The following RBFOX1 variants were observed in gnomAD, a reference collection of about 807,000 sequenced individuals.
The protein encoded by RBFOX1 is RNA binding fox-1 homolog 1, also known as RNA binding protein fox-1 homolog 1.
A neutral mutation model predicts 57.7 loss-of-function variants in RBFOX1; 8 were observed. The ratio of observed to expected loss-of-function variants is 0.14; its 90% CI spans 0.08 to 0.25. The LOEUF (loss-of-function observed/expected upper bound fraction) is 0.25, where lower values mean the gene tolerates loss of function less well. RBFOX1 is among the 10% of genes least tolerant of loss of function. RBFOX1 has a pLI of 1.00. For synonymous variants in RBFOX1, 326 were observed against 222.4 expected, an observed-to-expected ratio of 1.47 and a Z score of -4.15; for missense variants, 611 against 548.5, an observed-to-expected ratio of 1.11 and a Z score of -1.14.
At chr16:7,626,254 T>A (rs923570701) in intron 10 of RBFOX1, among the ~76,000 whole-genome samples, 10 of 152,228 alleles carry the variant, frequency 6.6e-5, no homozygotes, top group African/African-American at 2.4e-4. Flanking sequence ...CTGTCTGTGA[T>A]GGGAAACATC....
At chr16:6,860,772 A>G (rs2058847690) in intron 3 of RBFOX1, among the ~76,000 whole-genome samples, 1 of 152,230 alleles carries the variant, frequency 6.6e-6, no homozygotes, top group African/African-American at 2.4e-5. Context: ...ATGTTGAACA[A>G]CAACAAAAAG....
chr16:6,759,326 T>C (rs1348081992), intron 3 of RBFOX1, among the ~76,000 whole-genome samples: 1 of 152,080 alleles, frequency 6.6e-6, no homozygotes, highest in Non-Finnish European at 1.5e-5. Flanking sequence ...AATTTTTGTA[T>C]TTTTAGTAGA....
At chr16:6,650,507 G>T (rs952882877) in intron 2 of RBFOX1, among the ~76,000 whole-genome samples, 1 of 152,104 alleles carries the variant, frequency 6.6e-6, no homozygotes. Context: ...CAATTATCAT[G>T]CCACAGAGTA....
intron 3 of RBFOX1, among the ~76,000 whole-genome samples, chr16:6,990,793 G>C (rs1218731159): frequency 2.0e-5 from 3 of 152,108 alleles, no homozygotes; most frequent in Non-Finnish European, 4.4e-5. Flanking sequence ...CAAACTGCTT[G>C]TTAAGGTCCA....
At chr16:7,605,979 T>G (rs1236710430) in intron 9 of RBFOX1, among the ~76,000 whole-genome samples, 1 of 151,932 alleles carries the variant, frequency 6.6e-6, no homozygotes, top group Non-Finnish European at 1.5e-5. Context: ...GTTACTACTT[T>G]GTATTTTTAG....
chr16:6,970,390 C>G (rs1210612351), intron 3 of RBFOX1, among the ~76,000 whole-genome samples: 2 of 152,152 alleles, frequency 1.3e-5, no homozygotes, highest in African/African-American at 2.4e-5. Flanking sequence ...GTGCAGTTCC[C>G]TTAATGTTTC....
At chr16:7,059,744 C>T (rs530436360) in intron 4 of RBFOX1, among the ~76,000 whole-genome samples, 1 of 152,268 alleles carries the variant, frequency 6.6e-6, no homozygotes, top group East Asian at 1.9e-4. Context: ...TACAAATTTA[C>T]CTTTCTCTTC....
At chr16:6,237,520 G>C (rs1276933724) in intron 1 of RBFOX1, among the ~76,000 whole-genome samples, 1 of 152,074 alleles carries the variant, frequency 6.6e-6, no homozygotes, top group African/African-American at 2.4e-5. Flanking sequence ...AACACAGGTG[G>C]ATTACGAGGT....
At chr16:7,695,588 G>A (rs2078541948) in intron 14 of RBFOX1, among the ~76,000 whole-genome samples, 1 of 147,980 alleles carries the variant, frequency 6.8e-6, no homozygotes, top group Non-Finnish European at 1.5e-5. Flanking sequence ...GGAGGCGGAG[G>A]TTGCAGTGAG....
chr16:7,381,856 G>A (rs560089393), intron 4 of RBFOX1, among the ~76,000 whole-genome samples: 1 of 152,180 alleles, frequency 6.6e-6, no homozygotes, highest in African/African-American at 2.4e-5. Flanking sequence ...TGCTTTGTTG[G>A]GCATTTGGTG....
At chr16:6,209,374 G>C (rs1217511094) in intron 1 of RBFOX1, among the ~76,000 whole-genome samples, 1 of 143,292 alleles carries the variant, frequency 7.0e-6, no homozygotes, top group Non-Finnish European at 1.5e-5. Flanking sequence ...CCCACCTTCA[G>C]AGAAACTTAA....
chr16:7,087,022 G>T (rs2060097430), intron 4 of RBFOX1, among the ~76,000 whole-genome samples: 1 of 152,166 alleles, frequency 6.6e-6, no homozygotes, highest in Non-Finnish European at 1.5e-5. Context: ...CAGCCTCTGA[G>T]CCCGCAATGA....
At chr16:6,323,897 C>A (rs1046767254) in intron 2 of RBFOX1, among the ~76,000 whole-genome samples, 1 of 152,050 alleles carries the variant, frequency 6.6e-6, no homozygotes, top group Non-Finnish European at 1.5e-5. Flanking sequence ...CTCAGCCTCT[C>A]AAGTAGCTGG....
chr16:7,348,338 G>T (rs2097058733), intron 4 of RBFOX1, among the ~76,000 whole-genome samples: 1 of 151,970 alleles, frequency 6.6e-6, no homozygotes. Flanking sequence ...ACAAAGATTT[G>T]TAAAACTTGC....
intron 4 of RBFOX1, among the ~76,000 whole-genome samples, chr16:5,987,232 T>G (rs957525680): frequency 1.3e-5 from 2 of 152,210 alleles, no homozygotes; most frequent in Admixed American, 6.5e-5. Flanking sequence ...GTTTTTTTCT[T>G]TGTTTATTAC....
intron 5 of RBFOX1, among the ~76,000 whole-genome samples, chr16:7,536,770 A>G (rs1567717426): frequency 6.6e-6 from 1 of 152,180 alleles, no homozygotes; most frequent in Admixed American, 6.5e-5. Context: ...CAGGGATGCC[A>G]TGGTAGTAGC....
At chr16:6,003,029 C>G (rs1266335961) in intron 4 of RBFOX1, among the ~76,000 whole-genome samples, 2 of 152,108 alleles carry the variant, frequency 1.3e-5, no homozygotes, top group African/African-American at 4.8e-5. Context: ...CCTGTAATCC[C>G]AACACTTTGG....
chr16:5,922,951 C>T (rs2058856193), intron 4 of RBFOX1, among the ~76,000 whole-genome samples: 1 of 152,204 alleles, frequency 6.6e-6, no homozygotes, highest in Non-Finnish European at 1.5e-5. Flanking sequence ...TGGGCTCTTC[C>T]TTTCTTCCCA....
chr16:5,423,449 C>T (rs2067416281), intron 1 of RBFOX1, among the ~76,000 whole-genome samples: 1 of 152,126 alleles, frequency 6.6e-6, no homozygotes, highest in Admixed American at 6.5e-5. Context: ...ATGTGATATC[C>T]CTTTATCCTG....
Sources: gnomAD v4.1 joint callset for allele counts (sites outside exome capture counted in the v4.1 genomes callset) on GRCh38, gnomAD v4.1.1 for gene constraint, MANE v1.5 for transcripts, NCBI Gene and HGNC (gene_info 2026-07-23, HGNC 2026-07-21) for gene names.